The following SH2D4B variants were observed in gnomAD, a reference collection of about 807,000 sequenced individuals.
SH2D4B encodes the protein SH2 domain containing 4B.
In SH2D4B, 45 loss-of-function variants were observed where a neutral mutation model predicts 61.5. The ratio of observed to expected loss-of-function variants is 0.73; its 90% CI spans 0.58 to 0.94. SH2D4B has a LOEUF of 0.94. Among genes scored for constraint, SH2D4B ranks in the 40% least tolerant of loss-of-function variants. SH2D4B has a pLI of 0.00. For synonymous variants in SH2D4B, 224 were observed against 220.4 expected (o/e 1.02, Z -0.14); for missense variants, 572 against 574.2 (o/e 1.00, Z 0.04).
chr10:80,619,522 A>G (rs1295426216), intron 6 of SH2D4B, among the ~76,000 whole-genome samples: 3 of 152,192 alleles, frequency 2.0e-5, no homozygotes, highest in South Asian at 2.1e-4. Context: ...AAGGCCCCCA[A>G]TCTAAATGCT....
intron 4 of SH2D4B, among the ~76,000 whole-genome samples, chr10:80,589,845 C>T (rs759235403): frequency 6.6e-6 from 1 of 152,062 alleles, no homozygotes; most frequent in Non-Finnish European, 1.5e-5. Context: ...CAAAGGAACA[C>T]GGAATGCCTG....
At chr10:80,540,838 C>T in intron 1 of SH2D4B, 2 of 1,550,980 alleles carry the variant, frequency 1.3e-6, no homozygotes, top group Non-Finnish European at 1.7e-6. Flanking sequence ...GTGCCGTGTC[C>T]CAGGGCGGGA....
chr10:80,582,258 G>A (rs577648860), intron 3 of SH2D4B, among the ~76,000 whole-genome samples: 3 of 152,288 alleles, frequency 2.0e-5, no homozygotes, highest in Admixed American at 6.5e-5. Context: ...GGAGGGAAAC[G>A]GGGAGATTAA....
At chr10:80,542,799 T>C (rs1034000457) in intron 1 of SH2D4B, among the ~76,000 whole-genome samples, 4 of 151,800 alleles carry the variant, frequency 2.6e-5, no homozygotes, top group Non-Finnish European at 5.9e-5. Context: ...CCAGACGTCT[T>C]TCCCTCCCGC....
rs1424352824 is a variant in SH2D4B, at chr10:80,539,560, C to T, written c.184+1045C>T. 6.6e-6 allele frequency among the ~76,000 whole-genome samples: 1 copy of T among 152,214 alleles called. No individual in the cohort carries two copies. Among genetic ancestry groups the T allele is most frequent in the East Asian group, 1.9e-4 (1 of 5,192 alleles). On this transcript the variant is annotated intron_variant, in intron 1 of 7. Transcript: ENST00000646907. This position sits in a 1 kb window ranked among gnomAD's most constrained non-coding sequence, Gnocchi z 4.9. Reference sequence around the variant, plus strand: ...GGGAATGTCCTTCTGCCTTCATCCACCTGACAGACTCCATCAGGAGTGGCC... The same window carrying T: ...GGGAATGTCCTTCTGCCTTCATCCATCTGACAGACTCCATCAGGAGTGGCC...
chr10:80,564,401 C>T (rs569432208), intron 1 of SH2D4B, among the ~76,000 whole-genome samples: 2 of 152,310 alleles, frequency 1.3e-5, no homozygotes, highest in South Asian at 2.1e-4. Flanking sequence ...GCCGCACTTG[C>T]AAGATTCCTT....
At chr10:80,629,280 A>G (rs988685784) in intron 6 of SH2D4B, among the ~76,000 whole-genome samples, 5 of 152,100 alleles carry the variant, frequency 3.3e-5, no homozygotes, top group Non-Finnish European at 7.4e-5. Flanking sequence ...CAGACTTTTA[A>G]ACAACCAGAT....
intron 3 of SH2D4B, among the ~76,000 whole-genome samples, chr10:80,572,986 A>ATTTTTTT (rs61401607): frequency 7.9e-4 from 7 of 8,872 alleles, no homozygotes; most frequent in Non-Finnish European, 1.0e-3. Flanking sequence ...ATATATATAT[A>ATTTTTTT]TTTTTTTTTT....
intron 1 of SH2D4B, among the ~76,000 whole-genome samples, chr10:80,564,766 C>T (rs75396479): frequency 0.011 from 1,694 of 152,340 alleles, 31 homozygotes; most frequent in African/African-American, 0.039. Flanking sequence ...TTGATATCTC[C>T]AGCCTCTTTC....
chr10:80,627,525 C>T (rs947554351), intron 6 of SH2D4B, among the ~76,000 whole-genome samples: 9 of 152,038 alleles, frequency 5.9e-5, no homozygotes, highest in Admixed American at 2.6e-4. Flanking sequence ...ACATCACTTC[C>T]GCCGCTGGGC....
At chr10:80,580,678 T>A (rs1842176718) in intron 3 of SH2D4B, among the ~76,000 whole-genome samples, 1 of 152,162 alleles carries the variant, frequency 6.6e-6, no homozygotes, top group South Asian at 2.1e-4. Context: ...TTAGGGGGCC[T>A]AGGATTTTAA....
At chr10:80,604,803 T>G (rs1238131769) in intron 5 of SH2D4B, among the ~76,000 whole-genome samples, 1 of 151,580 alleles carries the variant, frequency 6.6e-6, no homozygotes, top group Non-Finnish European at 1.5e-5. Context: ...TTTTTTTTTT[T>G]CTTTTTTTGA....
intron 7 of SH2D4B, among the ~76,000 whole-genome samples, chr10:80,640,835 G>A (rs780920992): frequency 1.3e-5 from 2 of 152,186 alleles, no homozygotes; most frequent in African/African-American, 2.4e-5. Context: ...TTCTGTTGCT[G>A]CTGAGGAGCT....
chr10:80,595,587 T>A (rs1842376935), intron 4 of SH2D4B, among the ~76,000 whole-genome samples: 1 of 152,172 alleles, frequency 6.6e-6, no homozygotes, highest in African/African-American at 2.4e-5. Context: ...TGAGATTATT[T>A]TTTCTATTAA....
chr10:80,604,373 T>C lies in SH2D4B; in HGVS notation c.860+578T>C, dbSNP rs997433895. 9.9e-5 allele frequency among the ~76,000 whole-genome samples: 15 copies of C among 152,176 alleles called. No homozygotes were observed. In the Middle Eastern group the frequency reaches 0.014, roughly 138 times the overall value. ...ATTGCCAGGACCAAAGGTTAGGAGG[T>C]TGCAGGGAACCTCTCTTCTTTCTAC... On this transcript the variant is annotated intron_variant, in intron 5 of 7. Transcript: ENST00000646907.
intron 1 of SH2D4B, among the ~76,000 whole-genome samples, chr10:80,550,589 G>A (rs1018655054): frequency 2.6e-5 from 4 of 151,244 alleles, no homozygotes; most frequent in Non-Finnish European, 4.4e-5. Flanking sequence ...GTGAGATTCC[G>A]TCTCAAAAAA....
At chr10:80,569,192 C>T (rs1472414507) in intron 1 of SH2D4B, among the ~76,000 whole-genome samples, 1 of 152,110 alleles carries the variant, frequency 6.6e-6, no homozygotes, top group Non-Finnish European at 1.5e-5. Flanking sequence ...AGACTCAGGG[C>T]CCCAGGCTGC....
chr10:80,618,170 G>A (rs1412517602), intron 6 of SH2D4B, among the ~76,000 whole-genome samples: 2 of 152,208 alleles, frequency 1.3e-5, no homozygotes, highest in African/African-American at 4.8e-5. Context: ...AAAATAACCT[G>A]GCTTCTGCTC....
chr10:80,572,986 A>ATTTTTTTTTTTTT (rs61401607), intron 3 of SH2D4B, among the ~76,000 whole-genome samples: 15 of 8,874 alleles, frequency 1.7e-3, no homozygotes, highest in Middle Eastern at 0.12. Context: ...ATATATATAT[A>ATTTTTTTTTTTTT]TTTTTTTTTT....
Sources: gnomAD v4.1 joint callset for allele counts (sites outside exome capture counted in the v4.1 genomes callset) on GRCh38, gnomAD v4.1.1 for gene constraint, Gnocchi (gnomAD v3.1) non-coding constraint, MANE v1.5 for transcripts, NCBI Gene and HGNC (gene_info 2026-07-23, HGNC 2026-07-21) for gene names.